The following PRNP variants were observed in gnomAD, a reference collection of about 807,000 sequenced individuals.
PRNP encodes the protein prion protein (Kanno blood group), also known as major prion protein.
PRNP carries 15 observed loss-of-function variants against 21.3 expected under a neutral mutation model. The ratio of observed to expected loss-of-function variants is 0.71; its 90% confidence interval spans 0.47 to 1.09. The LOEUF (loss-of-function observed/expected upper bound fraction) is 1.09, where lower values mean the gene tolerates loss of function less well. PRNP is among the 50% of genes least tolerant of loss of function. PRNP has a pLI of 0.00. For synonymous variants in PRNP, 121 were observed against 123.1 expected, an observed-to-expected ratio of 0.98 and a Z score of 0.11; for missense variants, 285 against 340.9, an observed-to-expected ratio of 0.84 and a Z score of 1.29.
chr20:4,691,337 G>A lies in PRNP; in HGVS notation c.-11+4825G>A, dbSNP rs148833613. 7.0e-3 allele frequency among the ~76,000 whole-genome samples: 1,069 copies of A among 152,278 alleles called. 6 individuals are homozygous for A. The highest frequency in any genetic ancestry group is 0.023 in the South Asian group (112 of 4,820). On this transcript the variant is annotated intron_variant, in intron 1 of 1. Transcript: ENST00000379440. The stretch of plus-strand genomic sequence containing the variant: ...TGGGTGAAGGTGGCATCTTTGTCTC[G>A]TTTCAGATCTAAGAGGAAAAGCTCT...
At chr20:4,692,286 G>A (rs1456504370) in intron 1 of PRNP, among the ~76,000 whole-genome samples, 1 of 152,092 alleles carries the variant, frequency 6.6e-6, no homozygotes, top group Non-Finnish European at 1.5e-5. Flanking sequence ...CTGCCATTAT[G>A]AATGAATGTT....
At position 4,699,324 on chromosome 20, in the gene PRNP, G is replaced by A; in HGVS notation, c.104G>A (p.Gly35Asp). ...RPKPGGWNTG[G>D]SRYPGQGSPG... Reference sequence around the variant, plus strand: ...AAGCCTGGAGGATGGAACACTGGGGGCAGCCGATACCCGGGGCAGGGCAGC... The same window carrying A: ...AAGCCTGGAGGATGGAACACTGGGGACAGCCGATACCCGGGGCAGGGCAGC... Residue 35 changes from glycine to aspartate, a missense_variant, in exon 2 of 2, where the codon GGC becomes GAC. Physicochemically the swap from Gly to Asp is moderately conservative, Grantham distance 94 (BLOSUM62 -1). Coordinates refer to ENST00000379440, the MANE Select transcript of PRNP (RefSeq NM_000311.5). The surrounding 1 kb of genome is among the most constrained non-coding windows in gnomAD (Gnocchi z 5.8). 6.2e-7 allele frequency: 1 copy of A among 1,613,334 alleles called. No homozygotes were observed. Among genetic ancestry groups the A allele is most frequent in the Non-Finnish European group, 8.5e-7 (1 of 1,179,948 alleles).
At position 4,692,564 on chromosome 20, in the gene PRNP, TA is replaced by T. The variant is rs565667963; in HGVS notation, c.-11+6053del. 2.1e-3 allele frequency among the ~76,000 whole-genome samples: 327 copies of T among 152,360 alleles called. 1 individual carries two copies. Among genetic ancestry groups the T allele is most frequent in the African/African-American group, 7.2e-3 (298 of 41,578 alleles). ...CTTTGTGTTTGTGACAGCATTTCTT[TA>T]TGATGGAAAGAGACTATCCTTCCAG... On this transcript the variant is annotated intron_variant, in intron 1 of 1. Coordinates refer to ENST00000379440, the MANE Select transcript of PRNP (RefSeq NM_000311.5).
intron 1 of PRNP, among the ~76,000 whole-genome samples, chr20:4,694,325 A>T (rs956881862): frequency 4.6e-5 from 7 of 152,052 alleles, no homozygotes; most frequent in Non-Finnish European, 7.4e-5. Context: ...ACATAGCAAG[A>T]CCCCATCTCT....
chr20:4,691,184 T>C (rs962533848), intron 1 of PRNP, among the ~76,000 whole-genome samples: 3 of 152,188 alleles, frequency 2.0e-5, no homozygotes, highest in African/African-American at 7.2e-5. Flanking sequence ...AGATAGCCTG[T>C]GCTCATGGGG....
In PRNP at chr20:4,699,143, T is replaced by TAA; in HGVS notation, c.-10-67_-10-66insAA. 1 of 1,575,382 alleles carries TAA rather than the reference T, an allele frequency of 6.3e-7. No individual in the cohort carries two copies. Among genetic ancestry groups the TAA allele is most frequent in the East Asian group, 2.2e-5 (1 of 44,696 alleles). On this transcript the variant is annotated intron_variant, in intron 1 of 1. Coordinates refer to ENST00000379440, the MANE Select transcript of PRNP (RefSeq NM_000311.5). The surrounding 1 kb of genome is among the most constrained non-coding windows in gnomAD (Gnocchi z 5.8). ...ATACCATTGCTATGCACTCATTCAT[T>TAA]ATGCAGGAAACATTTAGTAATTTCA...
At chr20:4,690,991 C>T (rs1410895479) in intron 1 of PRNP, among the ~76,000 whole-genome samples, 1 of 152,028 alleles carries the variant, frequency 6.6e-6, no homozygotes, top group Non-Finnish European at 1.5e-5. Context: ...AATTAACATA[C>T]AAAAATCAGT....
chr20:4,700,141 C>T lies in PRNP; in HGVS notation c.*159C>T. ...CTTGGCACTGATGGGCACTGGAAAA[C>T]ATAGAGTAGACCTGAGATGCTGGTC... On this transcript the variant is annotated 3_prime_UTR_variant, in exon 2 of 2. Coordinates refer to ENST00000379440, the MANE Select transcript of PRNP (RefSeq NM_000311.5). The surrounding 1 kb of genome is among the most constrained non-coding windows in gnomAD (Gnocchi z 4.1). 1 of 1,547,514 alleles carries T rather than the reference C, an allele frequency of 6.5e-7. No homozygotes were observed. Among genetic ancestry groups the T allele is most frequent in the Non-Finnish European group, 8.7e-7 (1 of 1,145,170 alleles).
At chr20:4,692,785 G>A (rs1181885494) in intron 1 of PRNP, among the ~76,000 whole-genome samples, 1 of 152,124 alleles carries the variant, frequency 6.6e-6, no homozygotes, top group Non-Finnish European at 1.5e-5. Context: ...TTACTAAACT[G>A]TTAAAATAAG....
At chr20:4,694,144 C>CT (rs1922014568) in intron 1 of PRNP, among the ~76,000 whole-genome samples, 1 of 150,008 alleles carries the variant, frequency 6.7e-6, no homozygotes, top group Admixed American at 6.6e-5. Flanking sequence ...TTTTTGACAG[C>CT]TTTTTTTCTC....
At chr20:4,688,171 T>C (rs6052767) in intron 1 of PRNP, among the ~76,000 whole-genome samples, 1 of 152,128 alleles carries the variant, frequency 6.6e-6, no homozygotes, top group Non-Finnish European at 1.5e-5. Flanking sequence ...AAATGCAAAT[T>C]AGAGCATGTT....
At chr20:4,690,708 T>C (rs1921768210) in intron 1 of PRNP, among the ~76,000 whole-genome samples, 1 of 152,232 alleles carries the variant, frequency 6.6e-6, no homozygotes, top group Non-Finnish European at 1.5e-5. Context: ...TAAGATTATA[T>C]GTATTGTGTA....
At chr20:4,695,944 T>C (rs1479314625) in intron 1 of PRNP, among the ~76,000 whole-genome samples, 4 of 152,216 alleles carry the variant, frequency 2.6e-5, no homozygotes, top group Non-Finnish European at 5.9e-5. Flanking sequence ...ACACATCAAG[T>C]CCCTGTTAAA....
chr20:4,695,472 C>T (rs557369031), intron 1 of PRNP, among the ~76,000 whole-genome samples: 3 of 152,236 alleles, frequency 2.0e-5, no homozygotes, highest in African/African-American at 7.2e-5. Context: ...TATTCGATAG[C>T]ATATATGTAC....
At position 4,686,505 on chromosome 20, in the gene PRNP, C is replaced by G. The variant is rs537449340; in HGVS notation, c.-18C>G. 6.6e-6 allele frequency: 1 copy of G among 151,912 alleles called. No individual in the cohort carries two copies. Among genetic ancestry groups the G allele is most frequent in the Non-Finnish European group, 1.5e-5 (1 of 67,928 alleles). 9.4% of individuals were successfully genotyped at this position (151,912 alleles called of 1,614,324 possible). ...CGCGAGCTTCTCCTCTCCTCACGAC[C>G]GAGGCAGGTAAACGCCCGGGGTGGG... is the stretch of plus-strand genomic sequence containing the variant. On this transcript the variant is annotated 5_prime_UTR_variant, in exon 1 of 2. Coordinates refer to ENST00000379440, the MANE Select transcript of PRNP (RefSeq NM_000311.5). The surrounding 1 kb of genome is among the most constrained non-coding windows in gnomAD (Gnocchi z 6.7).
rs1922376980 is a variant in PRNP at position 4,699,292 on chromosome 20, G to A, written c.72G>A (p.Lys24=). ...GGAGTGACCTGGGCCTCTGCAAGAA[G>A]CGCCCGAAGCCTGGAGGATGGAACA... ...ATWSDLGLCK[K]RPKPGGWNTG... is the part of the protein sequence containing the mutation. Residue 24 remains lysine (K), a synonymous_variant, in exon 2 of 2, where the codon AAG becomes AAA. Transcript: ENST00000379440. The surrounding 1 kb of genome is among the most constrained non-coding windows in gnomAD (Gnocchi z 5.8). 6.2e-7 allele frequency: 1 copy of A among 1,614,118 alleles called. No individual in the cohort carries two copies. Among genetic ancestry groups the A allele is most frequent in the East Asian group, 2.2e-5 (1 of 44,880 alleles).
chr20:4,693,564 G>T (rs563899176), intron 1 of PRNP, among the ~76,000 whole-genome samples: 1 of 152,164 alleles, frequency 6.6e-6, no homozygotes, highest in South Asian at 2.1e-4. Context: ...GGACCATGAG[G>T]CCCTCATGAT....
At chr20:4,690,070 C>A (rs1024021291) in intron 1 of PRNP, among the ~76,000 whole-genome samples, 3 of 152,080 alleles carry the variant, frequency 2.0e-5, no homozygotes, top group African/African-American at 7.2e-5. Flanking sequence ...GATCATGGAC[C>A]AGGTTGGGGA....
chr20:4,686,536 C>G lies in PRNP; in HGVS notation c.-11+24C>G, dbSNP rs930452430. The stretch of plus-strand genomic sequence containing the variant: ...AGGTAAACGCCCGGGGTGGGAGGAA[C>G]GCGGGCGGGGGCAGGGGAGCCGCGG... On this transcript the variant is annotated intron_variant, in intron 1 of 1. Transcript: ENST00000379440. The surrounding 1 kb of genome is among the most constrained non-coding windows in gnomAD (Gnocchi z 6.7). 6.6e-6 allele frequency: 1 copy of G among 151,842 alleles called. No individual in the cohort carries two copies. The highest frequency in any genetic ancestry group is 1.5e-5 in the Non-Finnish European group (1 of 67,912). The allele number at this position is 151,842 out of a possible 1,614,324, so 9.4% of individuals were successfully genotyped here.
Sources: gnomAD v4.1 joint callset for allele counts (sites outside exome capture counted in the v4.1 genomes callset) on GRCh38, gnomAD v4.1.1 for gene constraint, Gnocchi (gnomAD v3.1) non-coding constraint, MANE v1.5 for transcripts, NCBI Gene and HGNC (gene_info 2026-07-23, HGNC 2026-07-21) for gene names.